The following SPATA45 variants were observed in gnomAD, a reference collection of about 807,000 sequenced individuals.
The protein encoded by SPATA45 is spermatogenesis-associated protein 45.
In SPATA45, 5 loss-of-function variants were observed where a neutral mutation model predicts 7.0. The observed-to-expected ratio is 0.71, with a 90% CI of 0.37 to 1.50. The LOEUF is 1.50. Among genes scored for constraint, SPATA45 ranks in the 40% most tolerant of loss-of-function variants. SPATA45 has a pLI of 0.03. For missense variants in SPATA45, 111 were observed against 114.9 expected (o/e 0.97, Z 0.16); for synonymous variants, 40 against 38.7 (o/e 1.03, Z -0.13).
intron 2 of SPATA45, among the ~76,000 whole-genome samples, chr1:212,830,708 C>T (rs147632409): frequency 0.12 from 16,431 of 139,488 alleles, 1,227 homozygotes; most frequent in Middle Eastern, 0.23. Flanking sequence ...GGCGGCCAGG[C>T]GCTGTGGCTC....
chr1:212,830,931 C>G lies in SPATA45; in HGVS notation c.278-670G>C, dbSNP rs546137846. Reference sequence around the variant, plus strand: ...CCGGGAGGTGGAGGTTGCAGTGAGCCGAGATCGCAACACTGCATTCCAGCC... The same window carrying G: ...CCGGGAGGTGGAGGTTGCAGTGAGCGGAGATCGCAACACTGCATTCCAGCC... On this transcript the variant is annotated intron_variant, in intron 2 of 2. Transcript: ENST00000332912. Among the ~76,000 whole-genome samples the G allele has an allele frequency of 2.1e-4, 32 of 150,782 alleles. 2 individuals carry two copies. In the South Asian group the frequency reaches 6.8e-3, roughly 32 times the overall value.
chr1:212,832,739 T>C (rs567608463), intron 2 of SPATA45, among the ~76,000 whole-genome samples: 1 of 151,702 alleles, frequency 6.6e-6, no homozygotes, highest in African/African-American at 2.4e-5. Context: ...CTAAAGATTA[T>C]TCCACAGCAA....
chr1:212,840,244 T>G (rs1355997750), intron 1 of SPATA45, among the ~76,000 whole-genome samples: 2 of 145,346 alleles, frequency 1.4e-5, no homozygotes, highest in East Asian at 4.0e-4. Context: ...AACCCCGTCT[T>G]TACAAAAATA....
intron 1 of SPATA45, 55 bp from the exon 2 acceptor site, chr1:212,836,242 T>C: frequency 7.5e-7 from 1 of 1,335,504 alleles, no homozygotes; most frequent in Non-Finnish European, 1.0e-6. Flanking sequence ...GAAGCCAGTA[T>C]TCACAATCAC....
intron 1 of SPATA45, among the ~76,000 whole-genome samples, chr1:212,844,616 C>T (rs1571994315): frequency 6.6e-6 from 1 of 152,162 alleles, no homozygotes; most frequent in South Asian, 2.1e-4. Context: ...ACTGAGGCTA[C>T]TGCTCTGCCC....
At chr1:212,830,623 G>C (rs111388152) in intron 2 of SPATA45, among the ~76,000 whole-genome samples, 3,011 of 146,010 alleles carry the variant, frequency 0.021, 108 homozygotes, top group African/African-American at 0.068. Context: ...AGTGAGCCGA[G>C]ATCACACCAC....
intron 2 of SPATA45, among the ~76,000 whole-genome samples, chr1:212,830,777 T>C (rs1663472224): frequency 6.6e-6 from 1 of 150,430 alleles, no homozygotes; most frequent in African/African-American, 2.4e-5. Flanking sequence ...GGTCAAGAGA[T>C]GGAGACCATC....
intron 2 of SPATA45, among the ~76,000 whole-genome samples, chr1:212,835,633 G>GCCA (rs1196951674): frequency 6.6e-6 from 1 of 151,376 alleles, no homozygotes; most frequent in African/African-American, 2.4e-5. Flanking sequence ...AGGAGTTTGA[G>GCCA]ACCAGCCTGG....
At chr1:212,840,140 G>T (rs1241908892) in intron 1 of SPATA45, among the ~76,000 whole-genome samples, 1 of 151,272 alleles carries the variant, frequency 6.6e-6, no homozygotes, top group Admixed American at 6.6e-5. Context: ...TGGGCCAGGC[G>T]CAGTGGCTCA....
intron 1 of SPATA45, among the ~76,000 whole-genome samples, chr1:212,837,606 C>T (rs1436059009): frequency 6.6e-6 from 1 of 151,266 alleles, no homozygotes; most frequent in Non-Finnish European, 1.5e-5. Flanking sequence ...GCACTCCAGC[C>T]TGTGCGACAG....
At chr1:212,841,695 C>G (rs901680838) in intron 1 of SPATA45, among the ~76,000 whole-genome samples, 57 of 147,868 alleles carry the variant, frequency 3.9e-4, no homozygotes, top group Admixed American at 1.2e-3. Context: ...CTGGGCGTCA[C>G]TCCCTCTCAA....
At chr1:212,847,331 G>A (rs895698000) in intron 1 of SPATA45, among the ~76,000 whole-genome samples, 3 of 152,110 alleles carry the variant, frequency 2.0e-5, no homozygotes, top group African/African-American at 7.2e-5. Flanking sequence ...CTGGGAAAAA[G>A]ATCAAAACTG....
At chr1:212,843,906 T>C (rs561582468) in intron 1 of SPATA45, among the ~76,000 whole-genome samples, 1 of 152,280 alleles carries the variant, frequency 6.6e-6, no homozygotes, top group South Asian at 2.1e-4. Context: ...CAAACCCATA[T>C]ACTCTCCTAT....
Position 212,830,339 on chromosome 1 carries a change from G to T in SPATA45, c.278-78C>A, listed in dbSNP as rs1663461327. The T allele has an allele frequency of 1.3e-5, 11 of 856,478 alleles. No individual in the cohort carries two copies. The South Asian group carries it at 1.6e-4, about 13-fold the overall frequency. The allele number at this position is 856,478 out of a possible 1,614,324, so 53.1% of individuals were successfully genotyped here. ...ATGGTTTTTAAAATAACCCTGGAGGGCAGAGTATTGTTTTTCAGATACAGG... is the reference window on the plus strand; with the variant it reads ...ATGGTTTTTAAAATAACCCTGGAGGTCAGAGTATTGTTTTTCAGATACAGG... On this transcript the variant is annotated intron_variant, in intron 2 of 2. Transcript: ENST00000332912.
At chr1:212,845,578 A>T (rs2102515461) in intron 1 of SPATA45, among the ~76,000 whole-genome samples, 1 of 152,260 alleles carries the variant, frequency 6.6e-6, no homozygotes, top group Non-Finnish European at 1.5e-5. Flanking sequence ...TCCTGGTTTT[A>T]CCTCAAATCG....
chr1:212,830,199 G>T lies in SPATA45; in HGVS notation c.*43C>A. ...TAAATAATTTAGACACACTGAAGAAGAATCAAAGAGAATGTATTTCCGTGT... is the reference window on the plus strand; with the variant it reads ...TAAATAATTTAGACACACTGAAGAATAATCAAAGAGAATGTATTTCCGTGT... On this transcript the variant is annotated 3_prime_UTR_variant, in exon 3 of 3. Transcript: ENST00000332912. The T allele has an allele frequency of 1.4e-6, 2 of 1,405,000 alleles. No individual in the cohort carries two copies. Among genetic ancestry groups the T allele is most frequent in the Non-Finnish European group, 9.9e-7 (1 of 1,009,366 alleles). 87.0% of individuals were successfully genotyped at this position (1,405,000 alleles called of 1,614,324 possible).
chr1:212,831,166 A>G (rs1362710014), intron 2 of SPATA45, among the ~76,000 whole-genome samples: 2 of 149,910 alleles, frequency 1.3e-5, no homozygotes, highest in Non-Finnish European at 3.0e-5. Flanking sequence ...AAAAAAAAAA[A>G]GAAAGAAAGA....
rs182858820 is a variant in SPATA45, at chr1:212,847,003, C to A, written c.-39+577G>T. Among the ~76,000 whole-genome samples the A allele has an allele frequency of 1.8e-3, 269 of 152,032 alleles. 1 individual carries two copies. The highest frequency in any genetic ancestry group is 2.9e-3 in the Non-Finnish European group (200 of 67,900). On this transcript the variant is annotated intron_variant, in intron 1 of 2. Coordinates refer to ENST00000332912, the MANE Select transcript of SPATA45 (RefSeq NM_001024601.3). ...ACCTCCCGGGCTCAGGTGATCCCCCCACCTCACCTTCCAAGTAGCTGGAAC... is the reference window on the plus strand; with the variant it reads ...ACCTCCCGGGCTCAGGTGATCCCCCAACCTCACCTTCCAAGTAGCTGGAAC...
intron 1 of SPATA45, among the ~76,000 whole-genome samples, chr1:212,840,261 T>C (rs183085834): frequency 2.5e-4 from 36 of 145,274 alleles, no homozygotes; most frequent in African/African-American, 8.8e-4. Context: ...AATACAAAAC[T>C]TAGCCGGGCG....
Sources: gnomAD v4.1 joint callset for allele counts (sites outside exome capture counted in the v4.1 genomes callset) on GRCh38, gnomAD v4.1.1 for gene constraint, MANE v1.5 for transcripts, NCBI Gene and HGNC (gene_info 2026-07-23, HGNC 2026-07-21) for gene names.